UBR4: variants seen among roughly 807,000 people sequenced by gnomAD.
UBR4 encodes the protein E3 ubiquitin-protein ligase UBR4.
Under a neutral mutation model 575.6 loss-of-function variants are expected in UBR4, and 124 were observed. The observed-to-expected ratio is 0.22, with a 90% CI of 0.19 to 0.25. The LOEUF (loss-of-function observed/expected upper bound fraction) is 0.25. UBR4 is among the 10% of genes least tolerant of loss of function. The pLI, the probability that UBR4 is intolerant of heterozygous loss-of-function variation, is 1.00. For missense variants in UBR4, 4,818 were observed against 6,478.8 expected (o/e 0.74, Z 8.80); for synonymous variants, 2,455 against 2,473.7 (o/e 0.99, Z 0.22).
chr1:19,124,517 A>G, intron 65 of UBR4, 24 bp downstream of exon 65: 1 of 1,613,190 alleles, frequency 6.2e-7, no homozygotes, highest in East Asian at 2.2e-5. Flanking sequence ...CCCAACAAGC[A>G]TGCAGCTTGG....
intron 99 of UBR4, 65 bp downstream of exon 99, chr1:19,087,751 G>T: frequency 7.5e-7 from 1 of 1,337,180 alleles, no homozygotes; most frequent in Non-Finnish European, 1.1e-6. Context: ...GGAGGAGGGG[G>T]ATGCTACCTA....
chr1:19,081,261 T>C, intron 103 of UBR4, 88 bp downstream of exon 103: 2 of 1,191,414 alleles, frequency 1.7e-6, no homozygotes, highest in South Asian at 3.0e-5. Context: ...AAAGCATGCC[T>C]TCACCTAGCA....
chr1:19,189,194 G>A (rs1272048496), intron 11 of UBR4, among the ~76,000 whole-genome samples: 1 of 151,810 alleles, frequency 6.6e-6, no homozygotes, highest in Admixed American at 6.5e-5. Context: ...TTGTCAAAGA[G>A]AGCATGGGGA....
chr1:19,097,148 C>T, intron 91 of UBR4, 45 bp downstream of exon 91: 1 of 1,549,222 alleles, frequency 6.5e-7, no homozygotes, highest in Non-Finnish European at 8.8e-7. Flanking sequence ...GTGAGCCGCT[C>T]ATGAGTCCCA....
chr1:19,197,511 C>G (rs890138015), intron 7 of UBR4, among the ~76,000 whole-genome samples, 159 bp downstream of exon 7: 5 of 152,092 alleles, frequency 3.3e-5, no homozygotes, highest in Non-Finnish European at 7.3e-5. Flanking sequence ...TGCCTGTAGT[C>G]CCAGCTACTC....
At chr1:19,198,711 G>A (rs2092598449) in intron 4 of UBR4, 31 bp from the exon 5 acceptor site, 2 of 1,613,064 alleles carry the variant, frequency 1.2e-6, no homozygotes, top group East Asian at 2.2e-5. Context: ...AAAAAGGGCT[G>A]AGGAAAGTGC....
At position 19,164,877 on chromosome 1, in the gene UBR4, T is replaced by C; in HGVS notation, c.4433A>G (p.Asp1478Gly). 6.2e-7 allele frequency: 1 copy of C among 1,614,024 alleles called. No individual in the cohort carries two copies. Among genetic ancestry groups the C allele is most frequent in the Non-Finnish European group, 8.5e-7 (1 of 1,180,014 alleles). Residue 1478 changes from aspartate to glycine, a missense_variant, in exon 32 of 106, where the codon GAT (aspartate) becomes GGT (glycine). Physicochemically the swap from Asp to Gly is moderately conservative, Grantham distance 94. Transcript: ENST00000375254. ...LTRMTTSPPKDSDQLDVIQEN... is the reference protein window; with the variant it reads ...LTRMTTSPPKGSDQLDVIQEN... The stretch of plus-strand genomic sequence containing the variant: ...CTGAATTACATCCAGCTGATCAGAA[T>C]CTTTTGGGGGCGATGTAGTCATGCG...
At chr1:19,119,451 T>G in intron 70 of UBR4, 106 bp downstream of exon 70, 2 of 1,437,774 alleles carry the variant, frequency 1.4e-6, no homozygotes, top group Non-Finnish European at 1.9e-6. Context: ...AAAAGAGGTT[T>G]CCTATATGGA....
intron 51 of UBR4, 112 bp from the exon 52 acceptor site, chr1:19,147,112 A>T: frequency 8.2e-7 from 1 of 1,225,660 alleles, no homozygotes; most frequent in Non-Finnish European, 1.1e-6. Context: ...TCTCAAGAGA[A>T]CAGGCCAATG....
At chr1:19,193,594 G>A in intron 8 of UBR4, 37 bp from the exon 9 acceptor site, 3 of 1,571,938 alleles carry the variant, frequency 1.9e-6, no homozygotes, top group African/African-American at 1.4e-5. Flanking sequence ...GCCATGGAGT[G>A]CATCCAAGAA....
Position 19,164,557 on chromosome 1 carries a change from T to C in UBR4, c.4512-116A>G, listed in dbSNP as rs1022858189. 5 of 1,243,080 alleles carry C rather than the reference T, an allele frequency of 4.0e-6. No homozygotes were observed. The African/African-American group carries it at 4.5e-5, about 11-fold the overall frequency. 77.0% of individuals were successfully genotyped at this position (1,243,080 alleles called of 1,614,324 possible). A position where few individuals can be genotyped will look rare whatever the true frequency, so the allele number is the denominator to read the frequency against. The stretch of plus-strand genomic sequence containing the variant: ...CATAACTACAATACCAATCCCAGCT[T>C]TGGACTTGGGCTAGTAGAGCATAAA... On this transcript the variant is annotated intron_variant, in intron 32 of 105. Coordinates refer to ENST00000375254, the MANE Select transcript of UBR4 (RefSeq NM_020765.3).
At chr1:19,092,266 T>C (rs1014638711) in intron 97 of UBR4, among the ~76,000 whole-genome samples, 2 of 152,158 alleles carry the variant, frequency 1.3e-5, no homozygotes, top group African/African-American at 4.8e-5. Flanking sequence ...AGGACCCACA[T>C]GATTTCTCTG....
chr1:19,143,861 AG>A, intron 55 of UBR4, 118 bp downstream of exon 55: 1 of 791,558 alleles, frequency 1.3e-6, no homozygotes, highest in Non-Finnish European at 2.0e-6. Context: ...GAAAAAAGAC[AG>A]ATACATAAAG....
intron 55 of UBR4, 50 bp from the exon 56 acceptor site, chr1:19,141,827 G>A: frequency 6.2e-7 from 1 of 1,601,752 alleles, no homozygotes; most frequent in Non-Finnish European, 8.5e-7. Context: ...TTCCTCCCTT[G>A]GCACATGGTG....
At chr1:19,151,584 G>T in intron 48 of UBR4, 59 bp downstream of exon 48, 1 of 1,575,592 alleles carries the variant, frequency 6.3e-7, no homozygotes, top group Non-Finnish European at 8.7e-7. Flanking sequence ...ACAGGCCAGT[G>T]GCTCCCAATT....
chr1:19,138,281 G>A, intron 59 of UBR4, 100 bp from the exon 60 acceptor site: 6 of 1,218,226 alleles, frequency 4.9e-6, no homozygotes, highest in Non-Finnish European at 5.4e-6. Flanking sequence ...GTAACTGACA[G>A]CATTAGACAA....
rs902384594 is a variant in UBR4, at chr1:19,123,211, G to C, written c.9589-151C>G. The C allele has an allele frequency of 8.6e-6, 7 of 809,750 alleles. No homozygotes were observed. The African/African-American group carries it at 1.2e-4, about 14-fold the overall frequency. 50.2% of individuals were successfully genotyped at this position (809,750 alleles called of 1,614,324 possible). The stretch of plus-strand genomic sequence containing the variant: ...TCACAGCTGTAATCCCAGCACTTTG[G>C]AATGCCGAGGTGGGCTGATCACTTG... On this transcript the variant is annotated intron_variant, in intron 65 of 105. Coordinates refer to ENST00000375254, the MANE Select transcript of UBR4 (RefSeq NM_020765.3).
At chr1:19,166,924 C>T in intron 29 of UBR4, 98 bp downstream of exon 29, 1 of 1,337,406 alleles carries the variant, frequency 7.5e-7, no homozygotes, top group East Asian at 2.3e-5. Flanking sequence ...CACACAAAAA[C>T]AATAAGCTAT....
At position 19,122,851 on chromosome 1, in the gene UBR4, A is replaced by G. The variant is rs1236342712; in HGVS notation, c.9798T>C (p.Tyr3266=). Residue 3266 remains tyrosine (Y), a synonymous_variant, in exon 66 of 106, where the codon TAT becomes TAC. Coordinates refer to ENST00000375254, the MANE Select transcript of UBR4 (RefSeq NM_020765.3). The part of the protein sequence containing the change: ...VTASSGSALQ[Y]DTLISLMEHL... ...CTCGTACCAGGCTGATGAGTGTGTCATATTGCAAGGCGGAGCCTGAGCTGG... is the reference window on the plus strand; with the variant it reads ...CTCGTACCAGGCTGATGAGTGTGTCGTATTGCAAGGCGGAGCCTGAGCTGG... 6.2e-6 allele frequency: 10 copies of G among 1,614,076 alleles called. No individual in the cohort carries two copies. Among genetic ancestry groups the G allele is most frequent in the Non-Finnish European group, 8.5e-6 (10 of 1,180,046 alleles).
Sources: gnomAD v4.1 joint callset for allele counts (sites outside exome capture counted in the v4.1 genomes callset) on GRCh38, gnomAD v4.1.1 for gene constraint, MANE v1.5 for transcripts, NCBI Gene and HGNC (gene_info 2026-07-23, HGNC 2026-07-21) for gene names.